ZNF292: variants seen among roughly 807,000 people sequenced by gnomAD.
ZNF292 encodes the protein 16 zinc-finger domain protein.
Under a neutral mutation model 217.9 loss-of-function variants are expected in ZNF292, and 26 were observed. The ratio of observed to expected loss-of-function variants is 0.12; its 90% CI spans 0.09 to 0.17. The LOEUF is 0.17. Among genes scored for constraint, ZNF292 ranks in the 10% least tolerant of loss-of-function variants. ZNF292 has a pLI of 1.00. For missense variants in ZNF292, 2,904 were observed against 3,175.2 expected, an observed-to-expected ratio of 0.91 and a Z score of 2.05; for synonymous variants, 1,257 against 1,124.1, an observed-to-expected ratio of 1.12 and a Z score of -2.37.
intron 5 of ZNF292, among the ~76,000 whole-genome samples, chr6:87,235,904 C>T (rs1008142907): frequency 5.3e-5 from 8 of 152,198 alleles, no homozygotes; most frequent in African/African-American, 1.9e-4. Context: ...ACTTACATAG[C>T]ACTACACATA....
intron 1 of ZNF292, among the ~76,000 whole-genome samples, chr6:87,179,724 C>T (rs1771412631): frequency 6.6e-6 from 1 of 151,986 alleles, no homozygotes; most frequent in Non-Finnish European, 1.5e-5. Flanking sequence ...TGCTGTACTT[C>T]AGTGTACATC....
chr6:87,218,968 A>C (rs985371579), intron 4 of ZNF292, among the ~76,000 whole-genome samples: 8 of 152,166 alleles, frequency 5.3e-5, no homozygotes, highest in Non-Finnish European at 1.0e-4. Context: ...CATCTTTTTA[A>C]CAGAGGAATT....
intron 1 of ZNF292, among the ~76,000 whole-genome samples, chr6:87,206,411 A>C (rs1772255205): frequency 6.6e-6 from 1 of 152,130 alleles, no homozygotes; most frequent in African/African-American, 2.4e-5. Context: ...GCTTTCACCG[A>C]GATTCCCCCT....
intron 1 of ZNF292, among the ~76,000 whole-genome samples, chr6:87,187,256 T>A (rs1771692772): frequency 6.6e-6 from 1 of 152,138 alleles, no homozygotes; most frequent in Admixed American, 6.5e-5. Flanking sequence ...TCAGTAAAGT[T>A]TAAAAGAAAA....
At chr6:87,187,720 A>C (rs1771708652) in intron 1 of ZNF292, among the ~76,000 whole-genome samples, 1 of 151,542 alleles carries the variant, frequency 6.6e-6, no homozygotes, top group Admixed American at 6.6e-5. Context: ...GCCTCAAAAA[A>C]AAAAAAAAAA....
At chr6:87,156,874 C>T (rs937918581) in intron 1 of ZNF292, among the ~76,000 whole-genome samples, 2 of 152,158 alleles carry the variant, frequency 1.3e-5, no homozygotes, top group Non-Finnish European at 2.9e-5. Flanking sequence ...GTGTTGCTGG[C>T]TCTGGTGAAG....
In ZNF292 at chr6:87,259,274, T is replaced by A. The variant is rs981495512; in HGVS notation, c.5645T>A (p.Val1882Asp). Residue 1882 changes from valine (V) to aspartate (D), a missense_variant, in exon 8 of 8, where the codon GTT (valine) becomes GAT (aspartate). Physicochemically the swap from Val to Asp is radical, Grantham distance 152. Around this residue, in one of 15 missense-constraint regions of ZNF292, gnomAD observed 622 missense variants for 573.1 expected, o/e 1.09. Transcript: ENST00000369577. ...TPVKSTADIT[V>D]IQPVSEMINI... ...GTTAAATCAACTGCAGATATCACAGTTATTCAGCCAGTTTCTGAAATGATA... is the reference window on the plus strand; with the variant it reads ...GTTAAATCAACTGCAGATATCACAGATATTCAGCCAGTTTCTGAAATGATA... 1.9e-6 allele frequency: 3 copies of A among 1,613,536 alleles called. No individual in the cohort carries two copies. In the African/African-American group the frequency reaches 4.0e-5, roughly 22 times the overall value.
chr6:87,162,511 T>C (rs1770782005), intron 1 of ZNF292, among the ~76,000 whole-genome samples: 1 of 152,206 alleles, frequency 6.6e-6, no homozygotes, highest in South Asian at 2.1e-4. Flanking sequence ...CTTTAGGTAT[T>C]GAGGGAGCAA....
At chr6:87,228,101 A>G (rs1773452904) in intron 4 of ZNF292, among the ~76,000 whole-genome samples, 1 of 151,768 alleles carries the variant, frequency 6.6e-6, no homozygotes, top group Non-Finnish European at 1.5e-5. Flanking sequence ...CCTCACCAAC[A>G]CTTGTTTTCT....
At chr6:87,216,084 T>C (rs1233326094) in intron 2 of ZNF292, 27 bp downstream of exon 2, 1 of 1,516,782 alleles carries the variant, frequency 6.6e-7, no homozygotes, top group South Asian at 1.3e-5. Flanking sequence ...GTAAATAAAC[T>C]AGATTTAGCT....
intron 7 of ZNF292, among the ~76,000 whole-genome samples, chr6:87,254,132 A>G (rs950499505): frequency 1.3e-5 from 2 of 152,162 alleles, no homozygotes; most frequent in Admixed American, 1.3e-4. Context: ...TTCAGTACTG[A>G]TCAGTTTGGA....
chr6:87,160,131 A>G (rs1322873992), intron 1 of ZNF292, among the ~76,000 whole-genome samples: 4 of 152,244 alleles, frequency 2.6e-5, no homozygotes, highest in Non-Finnish European at 5.9e-5. Flanking sequence ...AAGAGTTTAT[A>G]GTCTCTGGAG....
intron 7 of ZNF292, among the ~76,000 whole-genome samples, chr6:87,251,693 T>C (rs543952201): frequency 2.0e-5 from 3 of 152,278 alleles, no homozygotes; most frequent in Non-Finnish European, 2.9e-5. Context: ...AATTCAACTT[T>C]TAAAACTTAC....
chr6:87,218,060 A>G (rs1772878226), intron 3 of ZNF292, among the ~76,000 whole-genome samples: 1 of 152,164 alleles, frequency 6.6e-6, no homozygotes, highest in African/African-American at 2.4e-5. Flanking sequence ...TTTCATGAAC[A>G]CTTGGAAACA....
At chr6:87,243,980 T>C (rs1229222761) in intron 6 of ZNF292, among the ~76,000 whole-genome samples, 1 of 152,192 alleles carries the variant, frequency 6.6e-6, no homozygotes, top group African/African-American at 2.4e-5. Context: ...TTATATGTAA[T>C]CCTTTGGGAG....
In ZNF292 at chr6:87,245,512, T is replaced by A. The variant is rs1355407004; in HGVS notation, c.888T>A (p.Thr296=). ...QGDMYCAWEL[T]LFWSKLQQRV... ...ACTTTTTTTTTTTAAGGGAACTTAC[T>A]CTCTTTTGGAGTAAATTACAACAAA... The change falls in exon 7 of 8, where the codon ACT becomes ACA. Residue 296 remains threonine (T), a synonymous_variant. Coordinates refer to ENST00000369577, the MANE Select transcript of ZNF292 (RefSeq NM_015021.3). 1 of 1,512,602 alleles carries A rather than the reference T, an allele frequency of 6.6e-7. No individual in the cohort carries two copies. Among genetic ancestry groups the A allele is most frequent in the Non-Finnish European group, 8.8e-7 (1 of 1,134,380 alleles). The allele number at this position is 1,512,602 out of a possible 1,614,324, so 93.7% of individuals were successfully genotyped here.
rs200495721 is a variant in ZNF292, at chr6:87,258,610, A to G, written c.4981A>G (p.Ser1661Gly). The change falls in exon 8 of 8, where the codon AGT becomes GGT. Residue 1661 changes from serine to glycine, a missense_variant. Physicochemically the swap from Ser to Gly is moderately conservative, Grantham distance 56 (BLOSUM62 0). Transcript: ENST00000369577. ...DLTTMGLIAK[S>G]VEIPTTNLHS... is the part of the protein sequence containing the mutation. Reference sequence around the variant, plus strand: ...AACAACAATGGGACTCATAGCAAAGAGTGTTGAAATCCCAACTACTAACCT... The same window carrying G: ...AACAACAATGGGACTCATAGCAAAGGGTGTTGAAATCCCAACTACTAACCT... The G allele has an allele frequency of 1.1e-4, 171 of 1,613,710 alleles. No individual in the cohort carries two copies. Among genetic ancestry groups the G allele is most frequent in the Non-Finnish European group, 1.4e-4 (162 of 1,179,766 alleles).
intron 1 of ZNF292, chr6:87,173,805 C>G (rs551086778): frequency 2.5e-5 from 4 of 157,736 alleles, no homozygotes; most frequent in African/African-American, 9.6e-5. Flanking sequence ...AGATGAAACA[C>G]TTCATATTCT....
At chr6:87,229,921 A>ACT (rs1471317343) in intron 4 of ZNF292, among the ~76,000 whole-genome samples, 1 of 151,734 alleles carries the variant, frequency 6.6e-6, no homozygotes, top group African/African-American at 2.4e-5. Context: ...GATGGAGACG[A>ACT]CTAGTAGATT....
Sources: allele counts gnomAD v4.1 joint callset (sites outside exome capture counted in the v4.1 genomes callset), GRCh38; gene constraint gnomAD v4.1.1; regional missense constraint gnomAD v4.1.1; transcripts MANE v1.5; gene names NCBI Gene and HGNC (gene_info 2026-07-23, HGNC 2026-07-21).